The following LINGO2 variants were observed in gnomAD, a reference collection of about 807,000 sequenced individuals.
LINGO2 encodes leucine rich repeat and Ig domain containing 2, also known as leucine-rich repeat and immunoglobulin-like domain-containing nogo receptor-interacting protein 2.
Under a neutral mutation model 30.6 loss-of-function variants are expected in LINGO2, and 14 were observed. That is an observed-to-expected ratio of 0.46 (90% CI 0.30 to 0.72). The LOEUF (loss-of-function observed/expected upper bound fraction) is 0.72. Among genes scored for constraint, LINGO2 ranks in the 30% least tolerant of loss-of-function variants. The pLI is 0.07. For synonymous variants in LINGO2, 317 were observed against 288.5 expected (o/e 1.10, Z -1.00); for missense variants, 729 against 751.7 (o/e 0.97, Z 0.35).
the LINGO2 span, among the ~76,000 whole-genome samples, chr9:29,044,411 C>T: frequency 2.0e-5 from 3 of 151,972 alleles, no homozygotes; most frequent in Admixed American, 6.6e-5. Flanking sequence ...AAGAAATACT[C>T]TGCTTAAGCA....
At chr9:28,123,649 T>A (rs1385282818) in intron 4 of LINGO2, among the ~76,000 whole-genome samples, 1 of 151,056 alleles carries the variant, frequency 6.6e-6, no homozygotes, top group Non-Finnish European at 1.5e-5. Context: ...AAGGAACAGG[T>A]GGACATTTAA....
At chr9:28,923,437 T>C in the LINGO2 span, among the ~76,000 whole-genome samples, 1 of 152,188 alleles carries the variant, frequency 6.6e-6, no homozygotes, top group Non-Finnish European at 1.5e-5. Flanking sequence ...AATTTCTGTT[T>C]AGAAGCTTTT....
chr9:28,864,087 A>G, the LINGO2 span, among the ~76,000 whole-genome samples: 3 of 152,142 alleles, frequency 2.0e-5, no homozygotes, highest in Admixed American at 6.6e-5. Context: ...TCTCACATCC[A>G]TATCACAGTA....
chr9:28,794,811 A>C, the LINGO2 span, among the ~76,000 whole-genome samples: 5 of 150,692 alleles, frequency 3.3e-5, no homozygotes, highest in Admixed American at 3.3e-4. Flanking sequence ...GGAATTATAA[A>C]TTTTTTTTCT....
the LINGO2 span, among the ~76,000 whole-genome samples, chr9:29,089,863 A>G: frequency 6.6e-6 from 1 of 152,032 alleles, no homozygotes; most frequent in African/African-American, 2.4e-5. Context: ...ATGGAATGGT[A>G]TGTAAACCCC....
chr9:28,181,890 A>G (rs536435061), intron 4 of LINGO2, among the ~76,000 whole-genome samples: 1 of 152,278 alleles, frequency 6.6e-6, no homozygotes, highest in East Asian at 1.9e-4. Context: ...ATACCACCCA[A>G]AGTAATTTAT....
intron 1 of LINGO2, among the ~76,000 whole-genome samples, chr9:28,571,206 G>A (rs1823673595): frequency 6.6e-6 from 1 of 151,982 alleles, no homozygotes; most frequent in South Asian, 2.1e-4. Flanking sequence ...TCTTGGCTGG[G>A]GGAAAATGCA....
the LINGO2 span, among the ~76,000 whole-genome samples, chr9:28,952,532 C>T: frequency 6.6e-6 from 1 of 152,210 alleles, no homozygotes; most frequent in East Asian, 1.9e-4. Flanking sequence ...GACTTGTTTG[C>T]CCACTAAAAT....
At chr9:28,865,628 C>G in the LINGO2 span, among the ~76,000 whole-genome samples, 3 of 152,028 alleles carry the variant, frequency 2.0e-5, no homozygotes, top group Admixed American at 6.6e-5. Context: ...TAGAAAAATA[C>G]AAGAAATTGG....
At chr9:28,649,594 T>A (rs74535176) in intron 1 of LINGO2, among the ~76,000 whole-genome samples, 19,839 of 149,656 alleles carry the variant, frequency 0.13, 1,697 homozygotes, top group African/African-American at 0.24. Context: ...GTTAAAAAAA[T>A]TTTAAGTTAC....
chr9:28,904,243 C>T, the LINGO2 span, among the ~76,000 whole-genome samples: 1 of 151,256 alleles, frequency 6.6e-6, no homozygotes, highest in Non-Finnish European at 1.5e-5. Flanking sequence ...CATGTAGCAA[C>T]CCCACAGCTA....
the LINGO2 span, among the ~76,000 whole-genome samples, chr9:28,677,146 T>C: frequency 1.3e-5 from 2 of 152,172 alleles, no homozygotes; most frequent in African/African-American, 4.8e-5. Flanking sequence ...TAAAAAGTTG[T>C]GGCACAGAGG....
the LINGO2 span, among the ~76,000 whole-genome samples, chr9:28,709,195 C>CCCTA: frequency 7.2e-5 from 11 of 151,982 alleles, no homozygotes; most frequent in Non-Finnish European, 1.5e-4. Context: ...TACTAACATG[C>CCCTA]CCTATCTCTA....
chr9:28,586,920 T>C (rs2135683011), intron 1 of LINGO2, among the ~76,000 whole-genome samples: 1 of 152,074 alleles, frequency 6.6e-6, no homozygotes, highest in East Asian at 1.9e-4. Context: ...ATTCAGGGGC[T>C]TTTCAAAGTG....
At chr9:28,059,270 C>T (rs1156607131) in intron 4 of LINGO2, among the ~76,000 whole-genome samples, 2 of 152,236 alleles carry the variant, frequency 1.3e-5, no homozygotes, top group African/African-American at 2.4e-5. Context: ...CACATTCTCA[C>T]CACCTGTTTC....
intron 4 of LINGO2, among the ~76,000 whole-genome samples, chr9:28,120,922 G>A (rs1294160522): frequency 6.6e-6 from 1 of 151,990 alleles, no homozygotes. Flanking sequence ...AAAACTGCCT[G>A]GATTTAAAAA....
At chr9:28,083,115 T>C (rs1825818133) in intron 4 of LINGO2, among the ~76,000 whole-genome samples, 1 of 152,180 alleles carries the variant, frequency 6.6e-6, no homozygotes. Flanking sequence ...AGTAGAATTA[T>C]ATGCTGAGAC....
At chr9:29,081,824 C>T in the LINGO2 span, among the ~76,000 whole-genome samples, 994 of 151,952 alleles carry the variant, frequency 6.5e-3, 15 homozygotes, top group African/African-American at 0.023. Context: ...AACTCCCATT[C>T]ACAATTGCTT....
intron 4 of LINGO2, among the ~76,000 whole-genome samples, chr9:28,042,626 CTCA>C (rs1210038885): frequency 6.6e-6 from 1 of 152,128 alleles, no homozygotes; most frequent in Non-Finnish European, 1.5e-5. Context: ...TACTCTAATT[CTCA>C]TCATGTGTCT....
Sources: allele counts gnomAD v4.1 joint callset (sites outside exome capture counted in the v4.1 genomes callset), GRCh38; gene constraint gnomAD v4.1.1; transcripts MANE v1.5; gene names NCBI Gene and HGNC (gene_info 2026-07-23, HGNC 2026-07-21).